Variants in ARHGAP8 observed in about 807,000 individuals in gnomAD.
The protein encoded by ARHGAP8 is rho GTPase-activating protein 8.
A neutral mutation model predicts 46.1 loss-of-function variants in ARHGAP8; 62 were observed. That is an observed-to-expected ratio of 1.34 (90% CI 1.10 to 1.66). The LOEUF (loss-of-function observed/expected upper bound fraction) is 1.66. Ranked by LOEUF, ARHGAP8 falls within the 40% of genes most tolerant of loss-of-function variation. The probability of loss-of-function intolerance (pLI) is 0.00; values close to 1 mark genes in which losing one functional copy is unlikely to be tolerated. For synonymous variants in ARHGAP8, 375 were observed against 243.1 expected (o/e 1.54, Z -5.05); for missense variants, 923 against 568.4 (o/e 1.62, Z -6.34).
intron 4 of ARHGAP8, chr22:44,808,648 T>TTTC: frequency 1.1e-6 from 1 of 911,480 alleles, no homozygotes; most frequent in South Asian, 1.4e-5. Context: ...TCATTTTTTT[T>TTTC]TTTCTTTCTT....
intron 10 of ARHGAP8, chr22:44,849,772 T>C (rs1449014618): frequency 6.6e-6 from 1 of 152,222 alleles, no homozygotes; most frequent in African/African-American, 2.4e-5. Flanking sequence ...AGCAGCTCGG[T>C]TAAGATATCG....
rs372385337 is a variant in ARHGAP8 at position 44,835,304 on chromosome 22, AT to A, written c.596+9712del. On this transcript the variant is annotated intron_variant, in intron 7 of 11. Coordinates refer to ENST00000356099, the MANE Select transcript of ARHGAP8 (RefSeq NM_181335.3). ...GGGATTAGAATTTATATCTTAATTT[AT>A]AACCATCTAGTTCTAATTAAGAAGG... 6.5e-3 allele frequency among the ~76,000 whole-genome samples: 990 copies of A among 152,074 alleles called. 12 individuals are homozygous for A. Among genetic ancestry groups the A allele is most frequent in the African/African-American group, 0.023 (954 of 41,494 alleles).
chr22:44,836,310 C>G (rs1827314506), intron 7 of ARHGAP8, among the ~76,000 whole-genome samples: 1 of 151,844 alleles, frequency 6.6e-6, no homozygotes, highest in South Asian at 2.1e-4. Flanking sequence ...AACTAATGTT[C>G]CTGCCTCAGC....
chr22:44,817,854 C>T (rs1207082359), intron 5 of ARHGAP8, among the ~76,000 whole-genome samples: 3 of 151,806 alleles, frequency 2.0e-5, no homozygotes, highest in South Asian at 2.1e-4. Context: ...GTGGCTCACA[C>T]CTGTAATCCC....
intron 7 of ARHGAP8, 40 bp downstream of exon 7, chr22:44,825,633 G>A: frequency 6.3e-7 from 1 of 1,581,334 alleles, no homozygotes; most frequent in Non-Finnish European, 8.6e-7. Flanking sequence ...ATGCCCTGGA[G>A]CCCTGGGAGC....
chr22:44,777,343 T>A (rs187948424), intron 1 of ARHGAP8: 7 of 152,046 alleles, frequency 4.6e-5, no homozygotes, highest in African/African-American at 1.7e-4. Context: ...CAACACTTTT[T>A]AAATAAAATC....
chr22:44,859,976 A>G (rs747497762), intron 11 of ARHGAP8, 142 bp downstream of exon 11: 54 of 1,033,800 alleles, frequency 5.2e-5, no homozygotes, highest in Non-Finnish European at 7.4e-5. Context: ...CTGCCCCCCA[A>G]GGACCTCATC....
At chr22:44,827,200 C>T (rs888693911) in intron 7 of ARHGAP8, among the ~76,000 whole-genome samples, 1 of 151,962 alleles carries the variant, frequency 6.6e-6, no homozygotes, top group Non-Finnish European at 1.5e-5. Flanking sequence ...AGCCAAGGCA[C>T]TCAGGCACCT....
At chr22:44,821,870 C>T (rs1407814014) in intron 5 of ARHGAP8, among the ~76,000 whole-genome samples, 1 of 152,096 alleles carries the variant, frequency 6.6e-6, no homozygotes, top group Non-Finnish European at 1.5e-5. Flanking sequence ...GTCCGAGAGA[C>T]TGTCCTGGAG....
intron 4 of ARHGAP8, 155 bp downstream of exon 4, chr22:44,808,593 C>T (rs1046504239): frequency 3.6e-6 from 5 of 1,386,542 alleles, no homozygotes; most frequent in Non-Finnish European, 4.9e-6. Flanking sequence ...GGAGGTTCAC[C>T]TCCCCTCTGG....
chr22:44,861,978 A>T (rs1421464435), intron 11 of ARHGAP8, among the ~76,000 whole-genome samples: 2 of 152,090 alleles, frequency 1.3e-5, no homozygotes, highest in African/African-American at 4.8e-5. Flanking sequence ...CATCCCCAAG[A>T]TTGCATCTCC....
At chr22:44,811,590 C>G (rs1039550023) in intron 4 of ARHGAP8, among the ~76,000 whole-genome samples, 1 of 152,130 alleles carries the variant, frequency 6.6e-6, no homozygotes, top group Admixed American at 6.6e-5. Context: ...TTAGGGTTAG[C>G]GTTACAGATC....
chr22:44,806,365 G>A (rs1024541172), intron 3 of ARHGAP8, among the ~76,000 whole-genome samples: 3 of 152,204 alleles, frequency 2.0e-5, no homozygotes, highest in Non-Finnish European at 4.4e-5. Flanking sequence ...CATGGTGTGA[G>A]GTCAGATGTG....
chr22:44,841,686 G>GT (rs1931662275), intron 7 of ARHGAP8, among the ~76,000 whole-genome samples: 1 of 152,208 alleles, frequency 6.6e-6, no homozygotes, highest in Non-Finnish European at 1.5e-5. Flanking sequence ...CCACCTCCAT[G>GT]TACCTGCATT....
intron 2 of ARHGAP8, among the ~76,000 whole-genome samples, chr22:44,788,833 G>A (rs2147053316): frequency 6.6e-6 from 1 of 152,280 alleles, no homozygotes. Context: ...GAATACTGAT[G>A]GGTTCTGAGA....
At chr22:44,859,362 T>A (rs1284925719) in intron 10 of ARHGAP8, among the ~76,000 whole-genome samples, 1 of 151,560 alleles carries the variant, frequency 6.6e-6, no homozygotes, top group Non-Finnish European at 1.5e-5. Flanking sequence ...TCTGTCCCAC[T>A]CTCTCTTGCT....
At chr22:44,836,427 T>G (rs907060499) in intron 7 of ARHGAP8, among the ~76,000 whole-genome samples, 48 of 151,946 alleles carry the variant, frequency 3.2e-4, no homozygotes, top group African/African-American at 1.2e-3. Context: ...CTGGCTCTAG[T>G]CAACCCTAGG....
chr22:44,849,087 G>C (rs6007319), intron 10 of ARHGAP8, 27 bp downstream of exon 10: 16 of 1,611,492 alleles, frequency 9.9e-6, no homozygotes, highest in Admixed American at 8.3e-5. Flanking sequence ...GCGCAGGGGT[G>C]GGGGGCTTGG....
intron 10 of ARHGAP8, among the ~76,000 whole-genome samples, chr22:44,852,488 G>A (rs1436060004): frequency 1.3e-5 from 2 of 152,120 alleles, no homozygotes; most frequent in Non-Finnish European, 2.9e-5. Flanking sequence ...TATTCAGCAT[G>A]CCCAGGCTCC....
Sources: gnomAD v4.1 joint callset for allele counts (sites outside exome capture counted in the v4.1 genomes callset) on GRCh38, gnomAD v4.1.1 for gene constraint, MANE v1.5 for transcripts, NCBI Gene and HGNC (gene_info 2026-07-23, HGNC 2026-07-21) for gene names.